ZNF718: variants seen among roughly 807,000 people sequenced by gnomAD.
The protein encoded by ZNF718 is zinc finger protein 718.
In ZNF718, 3 loss-of-function variants were observed where a neutral mutation model predicts 2.6. That is an observed-to-expected ratio of 1.16 (90% CI 0.53 to 3.01). The LOEUF is 3.01. Ranked by LOEUF, ZNF718 falls within the 30% of genes most tolerant of loss-of-function variation. The probability of loss-of-function intolerance (pLI) is 0.03; values close to 1 mark genes in which losing one functional copy is unlikely to be tolerated. For synonymous variants in ZNF718, 135 were observed against 77.9 expected, an observed-to-expected ratio of 1.73 and a Z score of -3.86; for missense variants, 468 against 230.0, an observed-to-expected ratio of 2.03 and a Z score of -6.69.
chr4:141,663 T>C (rs1309867836), intron 3 of ZNF718, among the ~76,000 whole-genome samples: 2 of 152,194 alleles, frequency 1.3e-5, no homozygotes, highest in African/African-American at 4.8e-5. Context: ...ATAATACTAA[T>C]ATATGTTCCA....
Position 163,671 on chromosome 4 carries a change from G to A in ZNF718, c.*1549G>A, listed in dbSNP as rs1414462915. 1.3e-5 allele frequency: 2 copies of A among 152,044 alleles called. No homozygotes were observed. Among genetic ancestry groups the A allele is most frequent in the Non-Finnish European group, 1.5e-5 (1 of 68,002 alleles). The allele number at this position is 152,044 out of a possible 1,614,324, so 9.4% of individuals were successfully genotyped here. A position where few individuals can be genotyped will look rare whatever the true frequency, so the allele number is the denominator to read the frequency against. On this transcript the variant is annotated 3_prime_UTR_variant, in exon 4 of 4. Coordinates refer to ENST00000510175, the MANE Select transcript of ZNF718 (RefSeq NM_001039127.6). ...TTGCACATTTATGTAATAAAATACA[G>A]TAAATTTTAAAATTCTCTTTTAAGA...
At chr4:134,865 C>T (rs2108781820) in intron 3 of ZNF718, among the ~76,000 whole-genome samples, 1 of 152,152 alleles carries the variant, frequency 6.6e-6, no homozygotes, top group East Asian at 1.9e-4. Context: ...GCTGATAGAT[C>T]ACTTGAGCAT....
intron 3 of ZNF718, among the ~76,000 whole-genome samples, chr4:180,379 A>C (rs370467466): frequency 6.6e-6 from 1 of 152,356 alleles, no homozygotes; most frequent in African/African-American, 2.4e-5. Context: ...TCTAGAAAAG[A>C]ATCCTTTATT....
rs189261965 is a variant in ZNF718, at chr4:192,551, C to G, written c.227-8530C>G. On this transcript the variant is annotated intron_variant and NMD_transcript_variant, in intron 3 of 4. Transcript: ENST00000642529. The stretch of plus-strand genomic sequence containing the variant: ...CAGCTAGTCCTGTCTCTCAGTCCCC[C>G]CTCTCAACAGGAAAACCCAAGTGCT... 4.8e-3 allele frequency among the ~76,000 whole-genome samples: 735 copies of G among 152,160 alleles called. 2 individuals are homozygous for G. Among genetic ancestry groups the G allele is most frequent in the African/African-American group, 0.016 (662 of 41,464 alleles).
intron 3 of ZNF718, among the ~76,000 whole-genome samples, chr4:190,660 A>T (rs1279041003): frequency 6.6e-6 from 1 of 152,150 alleles, no homozygotes; most frequent in Non-Finnish European, 1.5e-5. Flanking sequence ...TACTGAGCAG[A>T]ATTAGTGTAA....
chr4:165,151 C>T (rs1293087787), downstream of ZNF718, among the ~76,000 whole-genome samples: 2 of 152,102 alleles, frequency 1.3e-5, no homozygotes, highest in African/African-American at 4.8e-5. Context: ...TTTCACTGTT[C>T]TCTTCATGCC....
At chr4:150,744 GT>G (rs1393661354) in intron 3 of ZNF718, among the ~76,000 whole-genome samples, 3 of 145,024 alleles carry the variant, frequency 2.1e-5, no homozygotes, top group East Asian at 2.1e-4. Context: ...TACTGATTTT[GT>G]TTTTTTTAGC....
Position 163,412 on chromosome 4 carries a change from TCTC to T in ZNF718, c.*1293_*1295del, listed in dbSNP as rs1716991083. ...ACCGTTTTAGCCGGGATGGTCTCGA[TCTC>T]CTGACCTCGTGATCCGCCCGCCTCG... On this transcript the variant is annotated 3_prime_UTR_variant, in exon 4 of 4. Coordinates refer to ENST00000510175, the MANE Select transcript of ZNF718 (RefSeq NM_001039127.6). The T allele has an allele frequency of 6.6e-6, 1 of 152,130 alleles. No individual in the cohort carries two copies. The highest frequency in any genetic ancestry group is 6.5e-5 in the Admixed American group (1 of 15,278). The allele number at this position is 152,130 out of a possible 1,614,324, so 9.4% of individuals were successfully genotyped here.
chr4:174,576 A>G (rs1235615766), intron 3 of ZNF718, among the ~76,000 whole-genome samples: 1 of 152,138 alleles, frequency 6.6e-6, no homozygotes, highest in Admixed American at 6.5e-5. Flanking sequence ...AAGCCACTCT[A>G]GTTAATTAAT....
At chr4:149,981 T>C (rs1716244372) in intron 3 of ZNF718, 1 of 152,156 alleles carries the variant, frequency 6.6e-6, no homozygotes, top group Non-Finnish European at 1.5e-5. Flanking sequence ...ATTTATTTTA[T>C]CTTGTAAAAT....
intron 3 of ZNF718, among the ~76,000 whole-genome samples, chr4:198,219 T>C (rs1553822307): frequency 6.6e-6 from 1 of 152,158 alleles, no homozygotes; most frequent in African/African-American, 2.4e-5. Context: ...AAAGTTGATG[T>C]TGAAGCTCTT....
chr4:170,198 A>G (rs1477440087), intron 3 of ZNF718, among the ~76,000 whole-genome samples: 5 of 152,128 alleles, frequency 3.3e-5, no homozygotes, highest in African/African-American at 7.2e-5. Context: ...TGGCTTGTAG[A>G]GTTTCTGCCG....
intron 3 of ZNF718, among the ~76,000 whole-genome samples, chr4:171,638 T>C (rs1474528942): frequency 6.6e-6 from 1 of 152,188 alleles, no homozygotes; most frequent in Admixed American, 6.5e-5. Flanking sequence ...TAGGACCCTC[T>C]GAGCCAGGCA....
chr4:188,754 A>C (rs1488851030), intron 3 of ZNF718, among the ~76,000 whole-genome samples: 4 of 151,980 alleles, frequency 2.6e-5, no homozygotes, highest in African/African-American at 7.3e-5. Flanking sequence ...TTTGTGGGAG[A>C]AGTGTGGTTT....
rs1715326994 is a variant in ZNF718 at position 130,648 on chromosome 4, AG to A, written c.4-138del. The A allele has an allele frequency of 1.3e-5, 2 of 159,916 alleles. 1 individual carries two copies. Among genetic ancestry groups the A allele is most frequent in the Non-Finnish European group, 2.4e-5 (2 of 84,344 alleles). 9.9% of individuals were successfully genotyped at this position (159,916 alleles called of 1,614,324 possible). A position where few individuals can be genotyped will look rare whatever the true frequency, so the allele number is the denominator to read the frequency against. On this transcript the variant is annotated intron_variant, in intron 1 of 3. Transcript: ENST00000510175. ...TCCCAGCTATTCGGGAGGCTGAGGC[AG>A]GAGAATCACTTGAGCCTGGGAGGTG...
At chr4:146,350 T>C (rs1215919639) in intron 3 of ZNF718, among the ~76,000 whole-genome samples, 1 of 152,134 alleles carries the variant, frequency 6.6e-6, no homozygotes, top group Non-Finnish European at 1.5e-5. Context: ...ACTTTAAATA[T>C]ACGGTCTCAC....
intron 3 of ZNF718, among the ~76,000 whole-genome samples, chr4:134,773 A>G (rs1376377802): frequency 2.0e-5 from 3 of 151,452 alleles, no homozygotes; most frequent in Admixed American, 1.3e-4. Flanking sequence ...TGTTGTTACT[A>G]TTTGGAAATG....
Position 186,911 on chromosome 4 carries a change from AGC to A in ZNF718, c.227-14169_227-14168del, listed in dbSNP as rs555058881. On this transcript the variant is annotated intron_variant and NMD_transcript_variant, in intron 3 of 4. Coordinates refer to the ZNF718 transcript ENST00000642529. ...TCCTGAAGCCTACTTCTATCATTTC[AGC>A]CATTTCAGCCTCAGCCCAGTTCTGA... Among the ~76,000 whole-genome samples, 662 of 152,306 alleles carry A rather than the reference AGC, an allele frequency of 4.3e-3. 1 individual carries two copies. The highest frequency in any genetic ancestry group is 7.7e-3 in the Non-Finnish European group (527 of 68,032).
chr4:157,258 A>G (rs1216618769), intron 3 of ZNF718, among the ~76,000 whole-genome samples: 1 of 151,622 alleles, frequency 6.6e-6, no homozygotes, highest in African/African-American at 2.4e-5. Context: ...GATTACAGGC[A>G]TGTGCCACCA....
Sources: allele counts gnomAD v4.1 joint callset (sites outside exome capture counted in the v4.1 genomes callset), GRCh38; gene constraint gnomAD v4.1.1; transcripts MANE v1.5; gene names NCBI Gene and HGNC (gene_info 2026-07-23, HGNC 2026-07-21).